CTSS: variants seen among roughly 807,000 people sequenced by gnomAD.
The protein encoded by CTSS is cathepsin S.
A neutral mutation model predicts 39.9 loss-of-function variants in CTSS; 15 were observed. The observed-to-expected ratio is 0.38, with a 90% CI of 0.25 to 0.58. The LOEUF (loss-of-function observed/expected upper bound fraction) is 0.58, where lower values mean the gene tolerates loss of function less well. Ranked by LOEUF, CTSS falls within the 20% of genes least tolerant of loss-of-function variation. The pLI, the probability that CTSS is intolerant of heterozygous loss-of-function variation, is 0.70. For synonymous variants in CTSS, 126 were observed against 138.2 expected (o/e 0.91, Z 0.62); for missense variants, 250 against 398.2 (o/e 0.63, Z 3.17).
At chr1:150,742,380 CA>C (rs756392491) in intron 7 of CTSS, among the ~76,000 whole-genome samples, 1 of 151,988 alleles carries the variant, frequency 6.6e-6, no homozygotes, top group Non-Finnish European at 1.5e-5. Flanking sequence ...AAAGATACAG[CA>C]TATATAAAGA....
chr1:150,761,743 AAAAAAAG>A (rs869159845), intron 2 of CTSS, among the ~76,000 whole-genome samples: 15 of 56,694 alleles, frequency 2.6e-4, no homozygotes, highest in Non-Finnish European at 7.5e-4. Flanking sequence ...AAAAAACAAG[AAAAAAAG>A]AAAAAAGAAA....
At chr1:150,748,034 G>A (rs747234412) in intron 6 of CTSS, 155 bp from the exon 7 acceptor site, 6 of 552,548 alleles carry the variant, frequency 1.1e-5, no homozygotes, top group Non-Finnish European at 1.6e-5. Context: ...GCTCATGCCT[G>A]TAATCCCAGA....
At chr1:150,757,462 T>C (rs1167281501) in intron 3 of CTSS, among the ~76,000 whole-genome samples, 6 of 152,192 alleles carry the variant, frequency 3.9e-5, no homozygotes, top group African/African-American at 1.4e-4. Flanking sequence ...AGGGGATTAT[T>C]TGTGATATTA....
At chr1:150,740,821 A>G (rs1652736110) in intron 7 of CTSS, among the ~76,000 whole-genome samples, 1 of 151,764 alleles carries the variant, frequency 6.6e-6, no homozygotes, top group African/African-American at 2.4e-5. Flanking sequence ...CAGTCTCCCA[A>G]GTAGCTGGGA....
chr1:150,757,939 T>C lies in CTSS; in HGVS notation c.168A>G (p.Leu56=), dbSNP rs187243641. The C allele has an allele frequency of 4.6e-5, 75 of 1,614,050 alleles. No homozygotes were observed. In the East Asian group the frequency reaches 6.7e-4, roughly 14 times the overall value. Residue 56 remains leucine (L), a synonymous_variant, in exon 3 of 8, where the codon CTA becomes CTG. Transcript: ENST00000368985. ...CCAGGTTGTGAAGCATCACAAACTT[T>C]AGATTCTTTTCCCAGATGAGACGTC... ...AVRRLIWEKN[L]KFVMLHNLEH...
chr1:150,760,549 G>A (rs1653232527), intron 2 of CTSS, among the ~76,000 whole-genome samples: 1 of 152,156 alleles, frequency 6.6e-6, no homozygotes, highest in Non-Finnish European at 1.5e-5. Flanking sequence ...CCAAATAAGA[G>A]AAGGAAGAAG....
chr1:150,750,503 T>A (rs1160550221), intron 5 of CTSS, among the ~76,000 whole-genome samples: 2 of 152,190 alleles, frequency 1.3e-5, no homozygotes, highest in African/African-American at 4.8e-5. Context: ...ATCTTTTTGA[T>A]GCCTGCAAGA....
chr1:150,761,486 C>T lies in CTSS; in HGVS notation c.126+3152G>A, dbSNP rs587757914. Among the ~76,000 whole-genome samples, 11 of 151,784 alleles carry T rather than the reference C, an allele frequency of 7.2e-5. No homozygotes were observed. The South Asian group carries it at 8.3e-4, about 11-fold the overall frequency. On this transcript the variant is annotated intron_variant, in intron 2 of 7. Coordinates refer to ENST00000368985, the MANE Select transcript of CTSS (RefSeq NM_004079.5). ...GTGGCTCACACCTGTAATCCCAGCA[C>T]TATGGGAGGCCGAAGCAGGCAGATC...
At chr1:150,759,149 C>T (rs1653200111) in intron 2 of CTSS, among the ~76,000 whole-genome samples, 1 of 151,626 alleles carries the variant, frequency 6.6e-6, no homozygotes, top group Non-Finnish European at 1.5e-5. Flanking sequence ...GGATTACAGG[C>T]ATGAACCATA....
At chr1:150,747,520 G>A in intron 7 of CTSS, among the ~76,000 whole-genome samples, 1 of 152,070 alleles carries the variant, frequency 6.6e-6, no homozygotes, top group South Asian at 2.1e-4. Context: ...AGAGGAATAG[G>A]TTCATGAGAG....
At chr1:150,756,004 T>G (rs1653117417) in intron 3 of CTSS, among the ~76,000 whole-genome samples, 1 of 152,250 alleles carries the variant, frequency 6.6e-6, no homozygotes, top group African/African-American at 2.4e-5. Context: ...TTGTCTTCTA[T>G]GGTAACCCCT....
In CTSS at chr1:150,759,132, A is replaced by G. The variant is rs587738054; in HGVS notation, c.127-1152T>C. On this transcript the variant is annotated intron_variant, in intron 2 of 7. Transcript: ENST00000368985. ...GGATCCTTCCCCCTTGGCCTCCCAA[A>G]GTGCTGGGATTACAGGCATGAACCA... is the stretch of plus-strand genomic sequence containing the variant. Among the ~76,000 whole-genome samples the G allele has an allele frequency of 4.0e-5, 6 of 151,650 alleles. No homozygotes were observed. The East Asian group carries it at 9.7e-4, about 24-fold the overall frequency.
chr1:150,755,519 C>T (rs1653105482), intron 3 of CTSS, among the ~76,000 whole-genome samples: 2 of 152,162 alleles, frequency 1.3e-5, no homozygotes, highest in South Asian at 4.1e-4. Context: ...CCGGGCAAAT[C>T]ACCTGAGGTC....
chr1:150,745,480 G>A (rs761048133), intron 7 of CTSS, among the ~76,000 whole-genome samples: 2 of 152,008 alleles, frequency 1.3e-5, no homozygotes, highest in Non-Finnish European at 2.9e-5. Flanking sequence ...GGGAAACATA[G>A]AGAGATCCTG....
At chr1:150,737,203 A>G (rs1288659991) in intron 7 of CTSS, among the ~76,000 whole-genome samples, 1 of 152,084 alleles carries the variant, frequency 6.6e-6, no homozygotes, top group African/African-American at 2.4e-5. Flanking sequence ...CCCAGGTTCA[A>G]GTGATTCTCC....
Position 150,733,010 on chromosome 1 carries a change from C to T in CTSS, c.*36G>A, listed in dbSNP as rs1264871061. On this transcript the variant is annotated 3_prime_UTR_variant, in exon 8 of 8. Transcript: ENST00000368985. Reference sequence around the variant, plus strand: ...AAAATTAAGTTAAGAGAAAGTGCTTCATATTTCTTGATTTGTTATAAAAAG... The same window carrying T: ...AAAATTAAGTTAAGAGAAAGTGCTTTATATTTCTTGATTTGTTATAAAAAG... 2.8e-6 allele frequency: 4 copies of T among 1,442,950 alleles called. No homozygotes were observed. Among genetic ancestry groups the T allele is most frequent in the Admixed American group, 1.8e-5 (1 of 56,222 alleles). 89.4% of individuals were successfully genotyped at this position (1,442,950 alleles called of 1,614,324 possible).
chr1:150,740,443 C>T (rs1192474626), intron 7 of CTSS, among the ~76,000 whole-genome samples: 1 of 151,774 alleles, frequency 6.6e-6, no homozygotes, highest in Non-Finnish European at 1.5e-5. Flanking sequence ...GAGTGTGGAG[C>T]GCAGTGGTGT....
intron 2 of CTSS, among the ~76,000 whole-genome samples, chr1:150,763,450 C>G (rs991151335): frequency 4.6e-5 from 7 of 151,974 alleles, no homozygotes; most frequent in Non-Finnish European, 7.4e-5. Flanking sequence ...TTTAAATGTT[C>G]TTATCACAAT....
At chr1:150,760,713 T>C (rs1653236581) in intron 2 of CTSS, among the ~76,000 whole-genome samples, 1 of 151,510 alleles carries the variant, frequency 6.6e-6, no homozygotes, top group Admixed American at 6.6e-5. Context: ...ACCCCTTCTC[T>C]ACAAAAAACA....
Sources: gnomAD v4.1 joint callset for allele counts (sites outside exome capture counted in the v4.1 genomes callset) on GRCh38, gnomAD v4.1.1 for gene constraint, MANE v1.5 for transcripts, NCBI Gene and HGNC (gene_info 2026-07-23, HGNC 2026-07-21) for gene names.